Variants in ADCY9 observed in about 807,000 individuals in gnomAD.
ADCY9 encodes adenylate cyclase type 9.
Under a neutral mutation model 101.5 loss-of-function variants are expected in ADCY9, and 50 were observed. The ratio of observed to expected loss-of-function variants is 0.49; its 90% CI spans 0.39 to 0.62. The LOEUF is 0.62. Among genes scored for constraint, ADCY9 ranks in the 20% least tolerant of loss-of-function variants. The probability of loss-of-function intolerance (pLI) is 0.00; values close to 1 mark genes in which losing one functional copy is unlikely to be tolerated. For missense variants in ADCY9, 1,662 were observed against 1,800.4 expected, an observed-to-expected ratio of 0.92 and a Z score of 1.39; for synonymous variants, 905 against 769.3, an observed-to-expected ratio of 1.18 and a Z score of -2.92.
At chr16:3,970,740 A>G (rs1475839081) in intron 10 of ADCY9, among the ~76,000 whole-genome samples, 2 of 152,202 alleles carry the variant, frequency 1.3e-5, no homozygotes, top group African/African-American at 4.8e-5. Flanking sequence ...GCGAAGCACA[A>G]CCGCCAAAAG....
In ADCY9 at chr16:4,000,968, TACAC is replaced by T. The variant is rs141254290; in HGVS notation, c.1884+6396_1884+6399del. ...GCACATACATTTCCATCCCTCTCTC[TACAC>T]ACACACACACACACACACACACACA... On this transcript the variant is annotated intron_variant, in intron 3 of 10. Coordinates refer to ENST00000294016, the MANE Select transcript of ADCY9 (RefSeq NM_001116.4). Among the ~76,000 whole-genome samples the T allele has an allele frequency of 1.4e-3, 173 of 125,322 alleles. 1 individual carries two copies. The highest frequency in any genetic ancestry group is 3.1e-3 in the African/African-American group (108 of 34,532). 82.2% of individuals were successfully genotyped at this position (125,322 alleles called of 152,430 possible).
At chr16:4,030,313 C>T (rs1308773969) in intron 2 of ADCY9, among the ~76,000 whole-genome samples, 1 of 152,102 alleles carries the variant, frequency 6.6e-6, no homozygotes, top group Non-Finnish European at 1.5e-5. Flanking sequence ...CGAGAAGGCA[C>T]AACAGCAGTG....
chr16:4,007,649 C>T (rs756371615), intron 2 of ADCY9, 91 bp from the exon 3 acceptor site: 8 of 1,120,968 alleles, frequency 7.1e-6, no homozygotes, highest in Non-Finnish European at 1.0e-5. Context: ...GGACTCACTC[C>T]TGGAAAGTTG....
chr16:4,013,088 T>C (rs963784088), intron 2 of ADCY9, among the ~76,000 whole-genome samples: 1 of 151,702 alleles, frequency 6.6e-6, no homozygotes, highest in African/African-American at 2.4e-5. Flanking sequence ...CCCATCTCTA[T>C]AAAAAATTTA....
At chr16:4,107,674 G>A (rs2057086473) in intron 2 of ADCY9, among the ~76,000 whole-genome samples, 1 of 152,000 alleles carries the variant, frequency 6.6e-6, no homozygotes, top group African/African-American at 2.4e-5. Flanking sequence ...GGCTTAGGTG[G>A]GGACAAGCTA....
intron 2 of ADCY9, among the ~76,000 whole-genome samples, chr16:4,102,672 G>T (rs576162657): frequency 6.6e-6 from 1 of 150,922 alleles, no homozygotes; most frequent in Non-Finnish European, 1.5e-5. Context: ...TGATCCGCCC[G>T]CCTCGGCCTC....
At chr16:4,038,065 G>C (rs2056601630) in intron 2 of ADCY9, among the ~76,000 whole-genome samples, 1 of 152,186 alleles carries the variant, frequency 6.6e-6, no homozygotes, top group African/African-American at 2.4e-5. Context: ...CTTGAGTCCA[G>C]GAGTCCAAGA....
chr16:4,060,334 A>G (rs182055491), intron 2 of ADCY9, among the ~76,000 whole-genome samples: 2 of 152,198 alleles, frequency 1.3e-5, no homozygotes, highest in African/African-American at 2.4e-5. Flanking sequence ...CACAGGCAGG[A>G]AAGACTGAAG....
intron 2 of ADCY9, among the ~76,000 whole-genome samples, chr16:4,055,018 C>T (rs1342584178): frequency 4.6e-5 from 7 of 152,052 alleles, no homozygotes; most frequent in African/African-American, 1.4e-4. Flanking sequence ...TTCAACAACA[C>T]ACTCACACCT....
intron 2 of ADCY9, among the ~76,000 whole-genome samples, chr16:4,106,852 A>G (rs1316080107): frequency 6.6e-6 from 1 of 152,178 alleles, no homozygotes; most frequent in Non-Finnish European, 1.5e-5. Flanking sequence ...CATAATTACT[A>G]TCTCACCAAG....
chr16:4,001,806 G>C (rs550122940), intron 3 of ADCY9, among the ~76,000 whole-genome samples: 1 of 151,180 alleles, frequency 6.6e-6, no homozygotes, highest in South Asian at 2.1e-4. Context: ...CTAGAGGGCA[G>C]TGACATGATC....
intron 2 of ADCY9, among the ~76,000 whole-genome samples, chr16:4,061,051 A>C (rs1393410498): frequency 1.3e-5 from 2 of 152,132 alleles, no homozygotes; most frequent in Non-Finnish European, 2.9e-5. Flanking sequence ...CCAAACAGAA[A>C]TTCTAGAGTT....
In ADCY9 at chr16:4,115,261, C is replaced by A. The variant is rs757900535; in HGVS notation, c.182G>T (p.Gly61Val). ...SSSCSSSGDSGGVPRRVGGGG... is the reference protein window; with the variant it reads ...SSSCSSSGDSVGVPRRVGGGG... ...GCCGCCCACTCGCCGGGGGACGCCC[C>A]CGGAGTCCCCAGAGCTGCTGCAGCT... Residue 61 changes from glycine (G) to valine (V), a missense_variant, in exon 2 of 11, where the codon GGG (glycine) becomes GTG (valine). Physicochemically the swap from Gly to Val is moderately radical, Grantham distance 109 (BLOSUM62 -3). Around this residue, in one of 5 missense-constraint regions of ADCY9, gnomAD observed 422 missense variants for 392.0 expected, o/e 1.08. Transcript: ENST00000294016. This position sits in a 1 kb window ranked among gnomAD's most constrained non-coding sequence, Gnocchi z 6.2. 1.9e-6 allele frequency: 3 copies of A among 1,613,552 alleles called. No individual in the cohort carries two copies. Among genetic ancestry groups the A allele is most frequent in the Non-Finnish European group, 2.5e-6 (3 of 1,179,726 alleles).
At chr16:3,985,896 G>A (rs2238443) in intron 6 of ADCY9, among the ~76,000 whole-genome samples, 37,913 of 151,854 alleles carry the variant, frequency 0.25, 5,250 homozygotes, top group East Asian at 0.43. Context: ...CCACCCCTGT[G>A]CATCCCGGGA....
chr16:3,959,920 G>A (rs1274962364), downstream of ADCY9, among the ~76,000 whole-genome samples: 1 of 152,132 alleles, frequency 6.6e-6, no homozygotes, highest in African/African-American at 2.4e-5. Context: ...CAGCTACTCA[G>A]GAGGCTGAGG....
intron 2 of ADCY9, among the ~76,000 whole-genome samples, chr16:4,059,167 C>T (rs1032407925): frequency 2.6e-5 from 4 of 151,928 alleles, no homozygotes; most frequent in African/African-American, 9.7e-5. Flanking sequence ...GGGCAGATCA[C>T]CTGAGGTCAG....
Position 3,964,114 on chromosome 16 carries a change from T to A in ADCY9, c.*1661A>T, listed in dbSNP as rs2055965235. On this transcript the variant is annotated 3_prime_UTR_variant, in exon 11 of 11. Coordinates refer to ENST00000294016, the MANE Select transcript of ADCY9 (RefSeq NM_001116.4). ...CATGCCGGGGAGGGCAATCTGTATG[T>A]CTCTGGGGAGGAGTAGTGATGATGG... 6.6e-6 allele frequency: 1 copy of A among 152,216 alleles called. No individual in the cohort carries two copies. The highest frequency in any genetic ancestry group is 2.4e-5 in the African/African-American group (1 of 41,452). 9.4% of individuals were successfully genotyped at this position (152,216 alleles called of 1,614,324 possible).
chr16:4,105,057 G>C (rs1243048356), intron 2 of ADCY9, among the ~76,000 whole-genome samples: 1 of 148,956 alleles, frequency 6.7e-6, no homozygotes, highest in Admixed American at 6.7e-5. Context: ...CAACAAGAGG[G>C]AAAAAAATCC....
chr16:3,986,481 C>T (rs2056194192), intron 6 of ADCY9, among the ~76,000 whole-genome samples: 1 of 152,136 alleles, frequency 6.6e-6, no homozygotes, highest in Admixed American at 6.6e-5. Flanking sequence ...CGGAGTTTCA[C>T]TCTTCTTGCC....
Sources: allele counts gnomAD v4.1 joint callset (sites outside exome capture counted in the v4.1 genomes callset), GRCh38; gene constraint gnomAD v4.1.1; regional missense constraint gnomAD v4.1.1; non-coding constraint Gnocchi (gnomAD v3.1); transcripts MANE v1.5; gene names NCBI Gene and HGNC (gene_info 2026-07-23, HGNC 2026-07-21).